The following ZNF519 variants were observed in gnomAD, a reference collection of about 807,000 sequenced individuals.
ZNF519 encodes the protein similar to Zinc finger protein 85 (Zinc finger protein HPF4) (HTF1).
ZNF519 carries 7 observed loss-of-function variants against 7.4 expected under a neutral mutation model. That is an observed-to-expected ratio of 0.94 (90% CI 0.54 to 1.77). The LOEUF (loss-of-function observed/expected upper bound fraction) is 1.77, where lower values mean the gene tolerates loss of function less well. ZNF519 is among the 40% of genes most tolerant of loss of function. The pLI, the probability that ZNF519 is intolerant of heterozygous loss-of-function variation, is 0.00. For synonymous variants in ZNF519, 179 were observed against 203.3 expected, an observed-to-expected ratio of 0.88 and a Z score of 1.02; for missense variants, 586 against 623.1, an observed-to-expected ratio of 0.94 and a Z score of 0.63.
At chr18:14,089,987 T>C (rs904534146) in intron 2 of ZNF519, 7 of 152,274 alleles carry the variant, frequency 4.6e-5, no homozygotes, top group African/African-American at 1.7e-4. Context: ...CAATCCTCTG[T>C]AGAGCTGAGG....
intron 2 of ZNF519, among the ~76,000 whole-genome samples, chr18:14,114,064 A>T (rs889664067): frequency 7.9e-5 from 12 of 152,064 alleles, no homozygotes; most frequent in African/African-American, 2.9e-4. Flanking sequence ...GCCATTTGCA[A>T]ATATTTTCTT....
At chr18:14,088,928 C>T (rs948172615) in intron 2 of ZNF519, among the ~76,000 whole-genome samples, 1 of 151,960 alleles carries the variant, frequency 6.6e-6, no homozygotes, top group African/African-American at 2.4e-5. Flanking sequence ...ATATTAGATA[C>T]ATTCTATATG....
rs150965577 is a variant in ZNF519, at chr18:14,106,386, C to G, written c.154G>C (p.Gly52Arg). ...TGTATGCCTTGCTCTGGTAAAATGC[C>G]TTGGTTGTAATAAGAATACACAGCT... Reference protein sequence around the residue: ...SLAVYSYYNQGILPEQGIQDS... With the variant: ...SLAVYSYYNQRILPEQGIQDS... The change falls in exon 3 of 3, where the codon GGC (glycine) becomes CGC (arginine). Residue 52 changes from glycine (G) to arginine (R), a missense_variant. Coordinates refer to ENST00000590202, the MANE Select transcript of ZNF519 (RefSeq NM_145287.4). The G allele has an allele frequency of 1.1e-4, 179 of 1,598,600 alleles. No individual in the cohort carries two copies. In the Middle Eastern group the frequency reaches 3.2e-3, roughly 28 times the overall value.
At chr18:14,113,709 G>A (rs2046233071) in intron 2 of ZNF519, among the ~76,000 whole-genome samples, 1 of 142,712 alleles carries the variant, frequency 7.0e-6, no homozygotes, top group South Asian at 2.2e-4. Context: ...TTTTTTTTGA[G>A]GAACTCTAAA....
intron 2 of ZNF519, among the ~76,000 whole-genome samples, chr18:14,109,061 T>C (rs1441076552): frequency 6.6e-6 from 1 of 151,170 alleles, no homozygotes; most frequent in Non-Finnish European, 1.5e-5. Context: ...GAGCCCAGAT[T>C]GCACCATTGT....
chr18:14,120,580 GA>G (rs199670724), intron 2 of ZNF519, among the ~76,000 whole-genome samples: 11 of 151,322 alleles, frequency 7.3e-5, no homozygotes, highest in African/African-American at 9.7e-5. Flanking sequence ...CACAGGAAAG[GA>G]AAAAAAAATT....
At chr18:14,128,179 G>T (rs1218035807) in intron 1 of ZNF519, among the ~76,000 whole-genome samples, 1 of 151,822 alleles carries the variant, frequency 6.6e-6, no homozygotes, top group Non-Finnish European at 1.5e-5. Context: ...TGTAGTCCCA[G>T]CTACTCGGGA....
At chr18:14,087,067 T>A (rs1192202720) in intron 2 of ZNF519, among the ~76,000 whole-genome samples, 1 of 152,086 alleles carries the variant, frequency 6.6e-6, no homozygotes, top group Non-Finnish European at 1.5e-5. Flanking sequence ...ATCCCAGAAA[T>A]ATAAAGATGG....
chr18:14,130,210 C>A lies in ZNF519; in HGVS notation c.3+2065G>T, dbSNP rs149062488. Among the ~76,000 whole-genome samples, 1,163 of 147,034 alleles carry A rather than the reference C, an allele frequency of 7.9e-3. 16 individuals carry two copies. The highest frequency in any genetic ancestry group is 0.026 in the African/African-American group (1,061 of 40,388). On this transcript the variant is annotated intron_variant, in intron 1 of 2. Transcript: ENST00000590202. ...TCCGATGGTCAAAAAAAAAAAAAAG[C>A]CTATTTGTTCAGATCCCTGAACTTT...
chr18:14,114,211 C>A (rs2046235560), intron 2 of ZNF519, among the ~76,000 whole-genome samples: 1 of 152,124 alleles, frequency 6.6e-6, no homozygotes, highest in African/African-American at 2.4e-5. Flanking sequence ...GACATCTTTA[C>A]CCCATTTAAT....
Position 14,103,900 on chromosome 18 carries a change from A to C in ZNF519, c.*1017T>G, listed in dbSNP as rs2046174081. 6.6e-6 allele frequency: 1 copy of C among 152,156 alleles called. No homozygotes were observed. 9.4% of individuals were successfully genotyped at this position (152,156 alleles called of 1,614,324 possible). A position where few individuals can be genotyped will look rare whatever the true frequency, so the allele number is the denominator to read the frequency against. ...AAGACATTTCATTTTATTCTTAAAA[A>C]AAAATTAAGTTTACAGACTGAATAA... is the stretch of plus-strand genomic sequence containing the variant. On this transcript the variant is annotated 3_prime_UTR_variant, in exon 3 of 3. Coordinates refer to ENST00000590202, the MANE Select transcript of ZNF519 (RefSeq NM_145287.4).
intron 1 of ZNF519, among the ~76,000 whole-genome samples, chr18:14,131,205 A>G (rs1451119170): frequency 6.6e-6 from 1 of 152,212 alleles, no homozygotes. Context: ...GAAACAGCAG[A>G]AAGATTTTTT....
chr18:14,105,823 A>T lies in ZNF519; in HGVS notation c.717T>A (p.Cys239Ter). ...RIYIGESSQR[C>*]NKKCIIVFSQ... ...TAAAGACTATTATACATTTTTTATT[A>T]CATCTTTGTGAGCTCTCTCCAATAT... Residue 239 changes from cysteine to a stop codon, truncating the protein, a stop_gained, in exon 3 of 3, where the codon TGT (cysteine) becomes TGA (stop). Transcript: ENST00000590202. LOFTEE classifies it low-confidence loss of function (END_TRUNC). 1 of 1,602,178 alleles carries T rather than the reference A, an allele frequency of 6.2e-7. No individual in the cohort carries two copies. The highest frequency in any genetic ancestry group is 1.8e-5 in the Admixed American group (1 of 56,992).
intron 2 of ZNF519, among the ~76,000 whole-genome samples, chr18:14,088,323 C>A (rs909487894): frequency 6.6e-6 from 1 of 152,106 alleles, no homozygotes; most frequent in African/African-American, 2.4e-5. Context: ...GCCTTGACTG[C>A]GAAACCCAAG....
At position 14,105,710 on chromosome 18, in the gene ZNF519, C is replaced by A. The variant is rs748801426; in HGVS notation, c.830G>T (p.Gly277Val). ...AATTTTCTGATGTCCAAGATGTAAG[C>A]CCCTGGTAAAAGCTTTGCCACGTTC... is the stretch of plus-strand genomic sequence containing the variant. Reference protein sequence around the residue: ...YKERGKAFTRGLHLGHQKIHT... With the variant: ...YKERGKAFTRVLHLGHQKIHT... Residue 277 changes from glycine (G) to valine (V), a missense_variant, in exon 3 of 3, where the codon GGC (glycine) becomes GTC (valine). Coordinates refer to ENST00000590202, the MANE Select transcript of ZNF519 (RefSeq NM_145287.4). 18 of 1,613,710 alleles carry A rather than the reference C, an allele frequency of 1.1e-5. No homozygotes were observed. The East Asian group carries it at 2.9e-4, about 26-fold the overall frequency.
intron 2 of ZNF519, chr18:14,122,315 A>G (rs1378489231): frequency 1.3e-5 from 2 of 152,196 alleles, no homozygotes; most frequent in African/African-American, 2.4e-5. Flanking sequence ...TTGTAGAATC[A>G]CATTTGCAAC....
chr18:14,129,153 AATCAGAAGAGATTATG>A (rs2046317148), intron 1 of ZNF519, among the ~76,000 whole-genome samples: 1 of 152,206 alleles, frequency 6.6e-6, no homozygotes, highest in Non-Finnish European at 1.5e-5. Context: ...GTGTTCATAC[AATCAGAAGAGATTATG>A]ATCAGGTAGT....
rs878887586 is a variant in ZNF519, at chr18:14,105,503, C to G, written c.1037G>C (p.Arg346Thr). 5 of 1,602,244 alleles carry G rather than the reference C, an allele frequency of 3.1e-6. No individual in the cohort carries two copies. The highest frequency in any genetic ancestry group is 4.3e-6 in the Non-Finnish European group (5 of 1,175,452). The change falls in exon 3 of 3, where the codon AGA becomes ACA. Residue 346 changes from arginine to threonine, a missense_variant. Arg to Thr is a moderately conservative substitution (Grantham distance 71, BLOSUM62 -1). Transcript: ENST00000590202. ...GCCACATTCTTCACATTTGAAAGCT[C>G]TCTCTCCAGTATGGATTCTCTGATG... ...TQHQRIHTGE[R>T]AFKCEECGKA...
At chr18:14,097,873 T>C (rs1414332709), downstream of ZNF519, among the ~76,000 whole-genome samples, 2 of 152,138 alleles carry the variant, frequency 1.3e-5, no homozygotes, top group Admixed American at 6.6e-5. Context: ...ACAAATGCCA[T>C]GTGTGAAGTA....
Sources: allele counts gnomAD v4.1 joint callset (sites outside exome capture counted in the v4.1 genomes callset), GRCh38; gene constraint gnomAD v4.1.1; transcripts MANE v1.5; gene names NCBI Gene and HGNC (gene_info 2026-07-23, HGNC 2026-07-21).